The following TRABD variants were observed in gnomAD, a reference collection of about 807,000 sequenced individuals.
TRABD encodes the protein TraB domain containing.
A neutral mutation model predicts 39.6 loss-of-function variants in TRABD; 23 were observed. That is an observed-to-expected ratio of 0.58 (90% CI 0.42 to 0.82). The LOEUF is 0.82. Among genes scored for constraint, TRABD ranks in the 40% least tolerant of loss-of-function variants. The pLI, the probability that TRABD is intolerant of heterozygous loss-of-function variation, is 0.00. For missense variants in TRABD, 487 were observed against 544.9 expected, an observed-to-expected ratio of 0.89 and a Z score of 1.06; for synonymous variants, 243 against 232.1, an observed-to-expected ratio of 1.05 and a Z score of -0.43.
At chr22:50,197,414 T>C in intron 6 of TRABD, 35 bp from the exon 7 acceptor site, 1 of 1,612,584 alleles carries the variant, frequency 6.2e-7, no homozygotes, top group Non-Finnish European at 8.5e-7. Flanking sequence ...GGTCCGGGGT[T>C]CCCACTGCTC....
chr22:50,197,384 G>A, intron 6 of TRABD, 33 bp downstream of exon 6: 1 of 1,612,836 alleles, frequency 6.2e-7, no homozygotes, highest in African/African-American at 1.3e-5. Context: ...GGTGGCCACA[G>A]GGATGTGGCT....
intron 1 of TRABD, among the ~76,000 whole-genome samples, chr22:50,186,873 A>G (rs2063773407): frequency 6.6e-6 from 1 of 152,236 alleles, no homozygotes; most frequent in Non-Finnish European, 1.5e-5. Flanking sequence ...CTCTTACAAG[A>G]AAGATGGAGT....
At chr22:50,196,032 G>A (rs1030219415) in intron 5 of TRABD, among the ~76,000 whole-genome samples, 1 of 152,188 alleles carries the variant, frequency 6.6e-6, no homozygotes, top group African/African-American at 2.4e-5. Context: ...CAGTGATCTC[G>A]AAGGGGCATA....
Position 50,193,629 on chromosome 22 carries a change from G to A in TRABD, c.87G>A (p.Val29=). 2 of 1,613,846 alleles carry A rather than the reference G, an allele frequency of 1.2e-6. No individual in the cohort carries two copies. The highest frequency in any genetic ancestry group is 8.5e-7 in the Non-Finnish European group (1 of 1,179,972). The part of the protein sequence containing the change: ...PSEASEPVPR[V]LSGDPQNLSD... The stretch of plus-strand genomic sequence containing the variant: ...AGGCTTCAGAGCCGGTGCCCAGGGT[G>A]CTTTCTGGAGACCCCCAGAACCTGT... The change falls in exon 3 of 10, where the codon GTG becomes GTA. Residue 29 remains valine (V), a synonymous_variant. Coordinates refer to ENST00000380909, the MANE Select transcript of TRABD (RefSeq NM_001320485.2).
chr22:50,197,073 C>T, intron 5 of TRABD, 168 bp from the exon 6 acceptor site: 1 of 635,978 alleles, frequency 1.6e-6, no homozygotes, highest in Non-Finnish European at 2.7e-6. Context: ...TGGTCTGACC[C>T]TCTGCACGCT....
intron 1 of TRABD, among the ~76,000 whole-genome samples, chr22:50,190,305 G>C (rs2063863470): frequency 6.6e-6 from 1 of 152,224 alleles, no homozygotes; most frequent in Admixed American, 6.5e-5. Flanking sequence ...GCCCAGGAAA[G>C]CTTCTCTGCC....
Position 50,193,570 on chromosome 22 carries a change from C to T in TRABD, c.34-6C>T, listed in dbSNP as rs1468618203. On this transcript the variant is annotated splice_region_variant and splice_polypyrimidine_tract_variant and intron_variant, in intron 2 of 9. Coordinates refer to ENST00000380909, the MANE Select transcript of TRABD (RefSeq NM_001320485.2). ...CCCTGACTTGAACTCTCCTTTCCAC[C>T]TGCAGGCCAACGTGGAACCTGTTGT... 6.2e-7 allele frequency: 1 copy of T among 1,613,616 alleles called. No individual in the cohort carries two copies. Among genetic ancestry groups the T allele is most frequent in the Admixed American group, 1.7e-5 (1 of 59,990 alleles).
chr22:50,199,117 G>A lies in TRABD; in HGVS notation c.*598G>A, dbSNP rs1277241332. ...TTACTCAGGTAATTTTAATTTCAGA[G>A]AGAAAAACTGAAGTAAATGTCAAAA... On this transcript the variant is annotated 3_prime_UTR_variant, in exon 10 of 10. Coordinates refer to ENST00000380909, the MANE Select transcript of TRABD (RefSeq NM_001320485.2). 2.8e-6 allele frequency: 2 copies of A among 718,680 alleles called. No homozygotes were observed. Among genetic ancestry groups the A allele is most frequent in the Non-Finnish European group, 5.2e-6 (2 of 385,490 alleles). The allele number at this position is 718,680 out of a possible 1,614,324, so 44.5% of individuals were successfully genotyped here.
At chr22:50,189,791 G>A in intron 1 of TRABD, among the ~76,000 whole-genome samples, 1 of 98,028 alleles carries the variant, frequency 1.0e-5, no homozygotes, top group Non-Finnish European at 2.1e-5. Context: ...ACCCAGAGGG[G>A]GTGGCTGCAG....
rs751211973 is a variant in TRABD at position 50,198,217 on chromosome 22, C to T, written c.956+31C>T. The T allele has an allele frequency of 8.3e-6, 13 of 1,573,828 alleles. No individual in the cohort carries two copies. The Admixed American group carries it at 9.0e-5, about 11-fold the overall frequency. On this transcript the variant is annotated intron_variant, in intron 9 of 9. Coordinates refer to ENST00000380909, the MANE Select transcript of TRABD (RefSeq NM_001320485.2). The surrounding 1 kb of genome is among the most constrained non-coding windows in gnomAD (Gnocchi z 7.9). ...TGCCCGCCCCTCCCTGCAAGCCCCACCCCACAAGCCCCCAGGTGGAGGCTG... is the reference window on the plus strand; with the variant it reads ...TGCCCGCCCCTCCCTGCAAGCCCCATCCCACAAGCCCCCAGGTGGAGGCTG...
rs1370733351 is a variant in TRABD at position 50,195,045 on chromosome 22, G to A, written c.420+5G>A. ...CTGCAGCAGGCCGTGAGGCAGGTGC[G>A]CAGCCGCGGGCAAGGGTCAGGGTCA... is the stretch of plus-strand genomic sequence containing the variant. On this transcript the variant is annotated splice_donor_5th_base_variant and intron_variant, in intron 5 of 9. Coordinates refer to ENST00000380909, the MANE Select transcript of TRABD (RefSeq NM_001320485.2). 4 of 1,576,150 alleles carry A rather than the reference G, an allele frequency of 2.5e-6. No homozygotes were observed. Among genetic ancestry groups the A allele is most frequent in the East Asian group, 2.3e-5 (1 of 43,132 alleles).
chr22:50,187,300 T>G (rs1386433525), intron 1 of TRABD, among the ~76,000 whole-genome samples: 4 of 152,150 alleles, frequency 2.6e-5, no homozygotes, highest in Non-Finnish European at 5.9e-5. Flanking sequence ...CAGGTGTGTT[T>G]CCCGTCTCCC....
intron 7 of TRABD, 42 bp from the exon 8 acceptor site, chr22:50,197,781 C>CCCCG: frequency 4.9e-5 from 74 of 1,496,314 alleles, no homozygotes; most frequent in Non-Finnish European, 6.2e-5. Context: ...CCCCCCAGCC[C>CCCCG]GTTGCCCATC....
chr22:50,197,763 A>AGGC, intron 7 of TRABD, 60 bp from the exon 8 acceptor site: 1 of 1,439,784 alleles, frequency 6.9e-7, no homozygotes, highest in Non-Finnish European at 9.7e-7. Flanking sequence ...CCACAGTGCC[A>AGGC]GCCCCACCCC....
rs769866958 is a variant in TRABD at position 50,194,414 on chromosome 22, A to G, written c.187A>G (p.Thr63Ala). 1.9e-6 allele frequency: 3 copies of G among 1,612,794 alleles called. No homozygotes were observed. The highest frequency in any genetic ancestry group is 1.3e-5 in the African/African-American group (1 of 74,924). ...RRRQRPNLPR[T>A]VTQLVAEDGS... ...GCGTCAGCGGCCCAACCTGCCGCGC[A>G]CTGTGACCCAGTTGGTGGCTGAGGA... is the stretch of plus-strand genomic sequence containing the variant. Residue 63 changes from threonine (T) to alanine (A), a missense_variant, in exon 4 of 10, where the codon ACT (threonine) becomes GCT (alanine). Physicochemically the swap from Thr to Ala is moderately conservative, Grantham distance 58 (BLOSUM62 0). Transcript: ENST00000380909.
chr22:50,197,186 C>T, intron 5 of TRABD, 55 bp from the exon 6 acceptor site: 1 of 1,542,956 alleles, frequency 6.5e-7, no homozygotes, highest in Non-Finnish European at 8.9e-7. Flanking sequence ...TGCCATTCCC[C>T]CAGCGCACCC....
At chr22:50,197,801 C>T (rs1476454241) in intron 7 of TRABD, 22 bp from the exon 8 acceptor site, 1 of 776,482 alleles carries the variant, frequency 1.3e-6, no homozygotes, top group Non-Finnish European at 2.0e-6. Context: ...CCCTGCGGGG[C>T]TGCAGCCATC....
At chr22:50,188,745 AG>A (rs2063820684) in intron 1 of TRABD, among the ~76,000 whole-genome samples, 1 of 152,222 alleles carries the variant, frequency 6.6e-6, no homozygotes, top group Admixed American at 6.5e-5. Flanking sequence ...GGACCTGAGC[AG>A]GCAGGTGGGA....
chr22:50,198,591 T>C lies in TRABD; in HGVS notation c.*72T>C. ...GCGGCACTTCTGGGTGCCAGGTGCA[T>C]CCTAGCCCGCCCGAGGCCCCTGCCA... On this transcript the variant is annotated 3_prime_UTR_variant, in exon 10 of 10. Transcript: ENST00000380909. The surrounding 1 kb of genome is among the most constrained non-coding windows in gnomAD (Gnocchi z 7.9). 1.4e-6 allele frequency: 2 copies of C among 1,410,752 alleles called. No homozygotes were observed. The highest frequency in any genetic ancestry group is 1.9e-6 in the Non-Finnish European group (2 of 1,080,406). The allele number at this position is 1,410,752 out of a possible 1,614,324, so 87.4% of individuals were successfully genotyped here.
Sources: allele counts gnomAD v4.1 joint callset (sites outside exome capture counted in the v4.1 genomes callset), GRCh38; gene constraint gnomAD v4.1.1; non-coding constraint Gnocchi (gnomAD v3.1); transcripts MANE v1.5; gene names NCBI Gene and HGNC (gene_info 2026-07-23, HGNC 2026-07-21).